Variants in PCSK2 observed in about 807,000 individuals in gnomAD.
PCSK2 encodes proprotein convertase subtilisin/kexin type 2, also known as neuroendocrine convertase 2.
PCSK2 carries 14 observed loss-of-function variants against 69.7 expected under a neutral mutation model. The observed-to-expected ratio is 0.20, with a 90% CI of 0.13 to 0.31. PCSK2 has a LOEUF of 0.31. Among genes scored for constraint, PCSK2 ranks in the 10% least tolerant of loss-of-function variants. The pLI is 1.00. For missense variants in PCSK2, 544 were observed against 842.5 expected (o/e 0.65, Z 4.39); for synonymous variants, 307 against 320.7 (o/e 0.96, Z 0.46).
intron 1 of PCSK2, among the ~76,000 whole-genome samples, chr20:17,258,241 T>C (rs1027693311): frequency 9.2e-5 from 14 of 152,334 alleles, no homozygotes; most frequent in African/African-American, 3.4e-4. Context: ...AGGATGGTCA[T>C]AGGGCAATCT....
intron 1 of PCSK2, among the ~76,000 whole-genome samples, chr20:17,256,549 G>A (rs1418817653): frequency 1.3e-5 from 2 of 151,656 alleles, no homozygotes; most frequent in African/African-American, 4.8e-5. Context: ...TCCCCAGGTT[G>A]TTTGTTGTTG....
intron 1 of PCSK2, among the ~76,000 whole-genome samples, chr20:17,256,864 A>G (rs970685487): frequency 6.6e-6 from 1 of 152,196 alleles, no homozygotes; most frequent in Non-Finnish European, 1.5e-5. Flanking sequence ...GAGTAAAAAC[A>G]TGCAGTGCTT....
rs1042134358 is a variant in PCSK2, at chr20:17,345,601, C to T, written c.283-12726C>T. On this transcript the variant is annotated intron_variant, in intron 2 of 11. Transcript: ENST00000262545. ...TTACAAAAGCAGTCAGCAGACTAGA[C>T]TTGCCAAACCCATGGTCTGGATGAA... Among the ~76,000 whole-genome samples, 3 of 152,202 alleles carry T rather than the reference C, an allele frequency of 2.0e-5. No individual in the cohort carries two copies. In the East Asian group the frequency reaches 5.8e-4, roughly 29 times the overall value.
chr20:17,275,027 A>G (rs1209270566), intron 2 of PCSK2, among the ~76,000 whole-genome samples: 2 of 151,024 alleles, frequency 1.3e-5, no homozygotes, highest in Admixed American at 6.6e-5. Flanking sequence ...ATAGTTGTAT[A>G]GGAACCATAA....
intron 11 of PCSK2, among the ~76,000 whole-genome samples, chr20:17,478,633 G>T (rs2033334548): frequency 6.6e-6 from 1 of 152,084 alleles, no homozygotes; most frequent in South Asian, 2.1e-4. Flanking sequence ...ACTAAGTGAG[G>T]GGAAGAAAGT....
intron 5 of PCSK2, among the ~76,000 whole-genome samples, chr20:17,394,912 A>C (rs2031475115): frequency 6.6e-6 from 1 of 152,236 alleles, no homozygotes; most frequent in African/African-American, 2.4e-5. Context: ...AGCTGTGAAA[A>C]GAACCAGAAG....
chr20:17,432,360 G>C (rs572596849), intron 7 of PCSK2, among the ~76,000 whole-genome samples: 3 of 152,156 alleles, frequency 2.0e-5, no homozygotes, highest in Non-Finnish European at 2.9e-5. Context: ...GTGACATGTA[G>C]ACCCGCACAT....
chr20:17,254,127 T>C (rs1437423436), intron 1 of PCSK2, among the ~76,000 whole-genome samples: 1 of 152,224 alleles, frequency 6.6e-6, no homozygotes, highest in Non-Finnish European at 1.5e-5. Flanking sequence ...ATCAGAGATA[T>C]GATTTTCAAA....
At chr20:17,348,037 AGAAAGAAAGAAAG>A (rs764298293) in intron 2 of PCSK2, among the ~76,000 whole-genome samples, 7,935 of 103,124 alleles carry the variant, frequency 0.077, 536 homozygotes, top group South Asian at 0.16. Context: ...GAAAGAAGAA[AGAAAGAAAGAAAG>A]GAAAGAAAGA....
At chr20:17,444,944 G>T (rs545870284) in intron 8 of PCSK2, among the ~76,000 whole-genome samples, 1 of 152,336 alleles carries the variant, frequency 6.6e-6, no homozygotes, top group South Asian at 2.1e-4. Context: ...TCAGCCTCTT[G>T]GGAGGAAGCC....
intron 2 of PCSK2, among the ~76,000 whole-genome samples, chr20:17,347,016 T>G (rs967541691): frequency 1.3e-5 from 2 of 152,200 alleles, no homozygotes; most frequent in South Asian, 2.1e-4. Context: ...TTGTTAATAC[T>G]TGTCACTAAG....
chr20:17,338,667 A>G (rs893970588), intron 2 of PCSK2, among the ~76,000 whole-genome samples: 4 of 152,200 alleles, frequency 2.6e-5, no homozygotes, highest in Non-Finnish European at 5.9e-5. Flanking sequence ...CCTACTTTGC[A>G]TCTGGCACTT....
intron 2 of PCSK2, among the ~76,000 whole-genome samples, chr20:17,335,877 TG>T: frequency 6.6e-6 from 1 of 151,716 alleles, no homozygotes; most frequent in African/African-American, 2.4e-5. Context: ...TGTGTGTGTG[TG>T]TGTGTGTGTG....
chr20:17,368,185 C>G (rs2030654350), intron 4 of PCSK2, among the ~76,000 whole-genome samples: 1 of 152,168 alleles, frequency 6.6e-6, no homozygotes, highest in Non-Finnish European at 1.5e-5. Context: ...AAGATAGCAG[C>G]CTTGGGACAG....
chr20:17,314,702 G>A (rs1170614751), intron 2 of PCSK2, among the ~76,000 whole-genome samples: 1 of 152,204 alleles, frequency 6.6e-6, no homozygotes, highest in African/African-American at 2.4e-5. Flanking sequence ...TACATCTCTA[G>A]TAGGGAATAT....
intron 2 of PCSK2, among the ~76,000 whole-genome samples, chr20:17,284,172 C>T (rs1430820857): frequency 6.6e-6 from 1 of 152,160 alleles, no homozygotes; most frequent in African/African-American, 2.4e-5. Flanking sequence ...TATCATTGTT[C>T]TCACTTGGGA....
chr20:17,350,743 T>C (rs1017054112), intron 2 of PCSK2, among the ~76,000 whole-genome samples: 2 of 152,060 alleles, frequency 1.3e-5, no homozygotes, highest in Admixed American at 6.6e-5. Context: ...AACCCCACAG[T>C]TTTGTTGGGA....
At chr20:17,450,643 T>C (rs2032805116) in intron 8 of PCSK2, among the ~76,000 whole-genome samples, 1 of 152,186 alleles carries the variant, frequency 6.6e-6, no homozygotes, top group Non-Finnish European at 1.5e-5. Flanking sequence ...TTCAGTGTCT[T>C]GCAAAGGCTC....
At chr20:17,264,864 CTTTCT>C (rs1268495218) in intron 2 of PCSK2, among the ~76,000 whole-genome samples, 3 of 43,514 alleles carry the variant, frequency 6.9e-5, no homozygotes, top group Non-Finnish European at 1.1e-4. Context: ...TTCTTTCTTT[CTTTCT>C]TTTTTTTTTC....
Sources: gnomAD v4.1 joint callset for allele counts (sites outside exome capture counted in the v4.1 genomes callset) on GRCh38, gnomAD v4.1.1 for gene constraint, MANE v1.5 for transcripts, NCBI Gene and HGNC (gene_info 2026-07-23, HGNC 2026-07-21) for gene names.